The following MTOR variants were observed in gnomAD, a reference collection of about 807,000 sequenced individuals.
MTOR encodes the protein mechanistic target of rapamycin kinase.
Under a neutral mutation model 319.8 loss-of-function variants are expected in MTOR, and 70 were observed. The observed-to-expected ratio is 0.22, with a 90% confidence interval of 0.18 to 0.27. The LOEUF is 0.27. MTOR is among the 10% of genes least tolerant of loss of function. The pLI is 1.00. For synonymous variants in MTOR, 1,183 were observed against 1,211.4 expected (o/e 0.98, Z 0.49); for missense variants, 1,890 against 3,274.4 (o/e 0.58, Z 10.32).
At chr1:11,193,717 G>A (rs540071614) in intron 28 of MTOR, 5 of 1,614,134 alleles carry the variant, frequency 3.1e-6, no homozygotes, top group Middle Eastern at 3.3e-4. Context: ...TCTGGCTGGG[G>A]AACGAACACA....
At chr1:11,120,520 G>GA (rs759905739) in intron 49 of MTOR, among the ~76,000 whole-genome samples, 4,429 of 137,100 alleles carry the variant, frequency 0.032, 156 homozygotes, top group Admixed American at 0.076. Context: ...CCTGGGCGGG[G>GA]AAAAAAAAAA....
At chr1:11,145,774 G>A (rs1643909929) in intron 32 of MTOR, among the ~76,000 whole-genome samples, 1 of 152,136 alleles carries the variant, frequency 6.6e-6, no homozygotes, top group Non-Finnish European at 1.5e-5. Flanking sequence ...AAAGTGCTGC[G>A]ATTACAGGTG....
Position 11,107,479 on chromosome 1 carries a change from C to G in MTOR, c.*6G>C. 6.2e-7 allele frequency: 1 copy of G among 1,612,838 alleles called. No individual in the cohort carries two copies. Among genetic ancestry groups the G allele is most frequent in the Non-Finnish European group, 8.5e-7 (1 of 1,179,692 alleles). On this transcript the variant is annotated 3_prime_UTR_variant, in exon 58 of 58. Coordinates refer to ENST00000361445, the MANE Select transcript of MTOR (RefSeq NM_004958.4). ...AAAAACGTGATGGGCACATCTGGGC[C>G]TCCAGTTACCAGAAAGGGCACCTAA... is the stretch of plus-strand genomic sequence containing the variant.
chr1:11,120,636 G>A (rs1642474885), intron 49 of MTOR, among the ~76,000 whole-genome samples: 1 of 151,948 alleles, frequency 6.6e-6, no homozygotes, highest in South Asian at 2.1e-4. Flanking sequence ...ACAAGTGTGA[G>A]CCACTGCACC....
intron 38 of MTOR, chr1:11,131,206 C>A: frequency 5.2e-6 from 1 of 191,094 alleles, no homozygotes; most frequent in Non-Finnish European, 1.1e-5. Flanking sequence ...AGGAGGGAAA[C>A]AAGAAGGCAG....
chr1:11,203,336 G>A (rs988608364), intron 26 of MTOR, among the ~76,000 whole-genome samples: 2 of 152,114 alleles, frequency 1.3e-5, no homozygotes, highest in African/African-American at 2.4e-5. Context: ...TGAATGTATC[G>A]AAATATCACA....
chr1:11,112,199 C>T (rs527652506), intron 54 of MTOR, among the ~76,000 whole-genome samples: 12 of 152,282 alleles, frequency 7.9e-5, no homozygotes, highest in East Asian at 1.9e-4. Flanking sequence ...CTCCCAGCAA[C>T]GCAAATAAAT....
rs943696782 is a variant in MTOR, at chr1:11,231,192, G to T, written c.2649+108C>A. 9 of 1,581,226 alleles carry T rather than the reference G, an allele frequency of 5.7e-6. No individual in the cohort carries two copies. In the African/African-American group the frequency reaches 6.7e-5, roughly 12 times the overall value. ...AGCTACATGAACAAAATTGGAGAGGGACAGGAAGTCTGACTGACACTGTCA... is the reference window on the plus strand; with the variant it reads ...AGCTACATGAACAAAATTGGAGAGGTACAGGAAGTCTGACTGACACTGTCA... On this transcript the variant is annotated intron_variant, in intron 17 of 57. Transcript: ENST00000361445.
chr1:11,218,659 C>T (rs1050199514), intron 19 of MTOR, among the ~76,000 whole-genome samples: 2 of 152,038 alleles, frequency 1.3e-5, no homozygotes, highest in East Asian at 1.9e-4. Flanking sequence ...GGAGCATTTC[C>T]GTGGCTTATT....
chr1:11,146,878 A>G, intron 31 of MTOR, 87 bp from the exon 32 acceptor site: 1 of 901,908 alleles, frequency 1.1e-6, no homozygotes, highest in Non-Finnish European at 1.8e-6. Flanking sequence ...TGCCACTGTT[A>G]TTTTCCTTTA....
chr1:11,106,883 A>G lies in MTOR; in HGVS notation c.*602T>C. Reference sequence around the variant, plus strand: ...CTCCCTACTAGCGGTCAGGTCTTGAATTGAAGCGTGTGAGTCGCAGCATCA... The same window carrying G: ...CTCCCTACTAGCGGTCAGGTCTTGAGTTGAAGCGTGTGAGTCGCAGCATCA... On this transcript the variant is annotated 3_prime_UTR_variant, in exon 58 of 58. Coordinates refer to ENST00000361445, the MANE Select transcript of MTOR (RefSeq NM_004958.4). 11 of 1,356,636 alleles carry G rather than the reference A, an allele frequency of 8.1e-6. No homozygotes were observed. In the South Asian group the frequency reaches 1.3e-4, roughly 16 times the overall value. 84.0% of individuals were successfully genotyped at this position (1,356,636 alleles called of 1,614,324 possible). A position where few individuals can be genotyped will look rare whatever the true frequency, so the allele number is the denominator to read the frequency against.
chr1:11,125,542 C>A lies in MTOR; in HGVS notation c.6527-909G>T, dbSNP rs1642781951. On this transcript the variant is annotated intron_variant, in intron 46 of 57. Transcript: ENST00000361445. ...GGTCGGGAGTTTGAGACCAGCCTGG[C>A]CAACGTGGTGAAATCCCATCTCTAC... Among the ~76,000 whole-genome samples, 5 of 151,966 alleles carry A rather than the reference C, an allele frequency of 3.3e-5. No homozygotes were observed. In the South Asian group the frequency reaches 1.0e-3, roughly 32 times the overall value.
At chr1:11,251,995 T>C (rs1393788787) in intron 6 of MTOR, among the ~76,000 whole-genome samples, 4 of 152,202 alleles carry the variant, frequency 2.6e-5, no homozygotes. Flanking sequence ...ATGCCCACTA[T>C]GTATTAGGTG....
chr1:11,121,135 G>A lies in MTOR; in HGVS notation c.6933+111C>T. On this transcript the variant is annotated intron_variant, in intron 49 of 57. Coordinates refer to ENST00000361445, the MANE Select transcript of MTOR (RefSeq NM_004958.4). This position sits in a 1 kb window ranked among gnomAD's most constrained non-coding sequence, Gnocchi z 4.9. The stretch of plus-strand genomic sequence containing the variant: ...TAGAAAAGTCTGGACACGCTCTACA[G>A]CCAATCACAGCAAAGAAGAGCCGCT... 2.1e-6 allele frequency: 3 copies of A among 1,443,144 alleles called. No individual in the cohort carries two copies. The highest frequency in any genetic ancestry group is 2.8e-6 in the Non-Finnish European group (3 of 1,076,358). 89.4% of individuals were successfully genotyped at this position (1,443,144 alleles called of 1,614,324 possible). A position where few individuals can be genotyped will look rare whatever the true frequency, so the allele number is the denominator to read the frequency against.
At chr1:11,134,273 T>C (rs1308862771) in intron 37 of MTOR, 78 bp downstream of exon 37, 1 of 1,356,510 alleles carries the variant, frequency 7.4e-7, no homozygotes. Flanking sequence ...CAAGAAGCCT[T>C]GAACTCCTCC....
intron 28 of MTOR, among the ~76,000 whole-genome samples, chr1:11,170,141 T>C (rs1480327730): frequency 6.6e-6 from 1 of 152,226 alleles, no homozygotes; most frequent in Admixed American, 6.5e-5. Context: ...ATGTTTTTAA[T>C]TTCAGAGTGA....
intron 20 of MTOR, among the ~76,000 whole-genome samples, chr1:11,214,844 C>A (rs981796330): frequency 1.3e-5 from 2 of 152,176 alleles, no homozygotes; most frequent in Non-Finnish European, 2.9e-5. Context: ...CCCTACTCTG[C>A]CTTCTTTAGA....
At chr1:11,146,828 G>A (rs1170329332) in intron 31 of MTOR, 37 bp from the exon 32 acceptor site, 1 of 1,501,504 alleles carries the variant, frequency 6.7e-7, no homozygotes, top group Non-Finnish European at 9.3e-7. Flanking sequence ...CATCAAGGGG[G>A]TTGGCTGGTT....
intron 4 of MTOR, 124 bp from the exon 5 acceptor site, chr1:11,256,316 G>A: frequency 6.9e-7 from 1 of 1,454,734 alleles, no homozygotes. Context: ...CACTCTTCTA[G>A]CTAGGAAATT....
Sources: allele counts gnomAD v4.1 joint callset (sites outside exome capture counted in the v4.1 genomes callset), GRCh38; gene constraint gnomAD v4.1.1; non-coding constraint Gnocchi (gnomAD v3.1); transcripts MANE v1.5; gene names NCBI Gene and HGNC (gene_info 2026-07-23, HGNC 2026-07-21).